Variants in HCN1 observed in about 807,000 individuals in gnomAD.
HCN1 encodes potassium/sodium hyperpolarization-activated cyclic nucleotide-gated channel 1.
A neutral mutation model predicts 78.9 loss-of-function variants in HCN1; 13 were observed. The ratio of observed to expected loss-of-function variants is 0.16; its 90% CI spans 0.11 to 0.26. The LOEUF is 0.26. Among genes scored for constraint, HCN1 ranks in the 10% least tolerant of loss-of-function variants. The pLI is 1.00. For synonymous variants in HCN1, 552 were observed against 455.5 expected (o/e 1.21, Z -2.70); for missense variants, 810 against 1,154.3 (o/e 0.70, Z 4.32).
At chr5:45,492,904 G>A (rs1741921234) in intron 2 of HCN1, among the ~76,000 whole-genome samples, 1 of 152,054 alleles carries the variant, frequency 6.6e-6, no homozygotes. Context: ...CTAGAGTATG[G>A]AAAGCTTAGA....
chr5:45,496,585 A>T lies in HCN1; in HGVS notation c.850-34578T>A, dbSNP rs796610752. Among the ~76,000 whole-genome samples the T allele has an allele frequency of 5.3e-5, 8 of 151,922 alleles. No homozygotes were observed. In the South Asian group the frequency reaches 1.3e-3, roughly 24 times the overall value. ...CCATTTTTTATTGCGTCTATTTGAT[A>T]CTTCTCTCTTTTTTTCTTTATTAGT... On this transcript the variant is annotated intron_variant, in intron 2 of 7. Transcript: ENST00000303230.
chr5:45,503,970 G>C (rs1742241438), intron 2 of HCN1, among the ~76,000 whole-genome samples: 1 of 152,008 alleles, frequency 6.6e-6, no homozygotes, highest in Admixed American at 6.6e-5. Context: ...ATTTTTAGTA[G>C]AGACAGGGTT....
rs1407054365 is a variant in HCN1 at position 45,303,758 on chromosome 5, T to C, written c.1459A>G (p.Met487Val). 2.5e-6 allele frequency: 4 copies of C among 1,613,710 alleles called. No homozygotes were observed. The highest frequency in any genetic ancestry group is 3.4e-6 in the Non-Finnish European group (4 of 1,179,798). The part of the protein sequence containing the change: ...ANADPNFVTA[M>V]LSKLRFEVFQ... The stretch of plus-strand genomic sequence containing the variant: ...ACCTCAAATCTCAACTTGCTCAGCA[T>C]GGCAGTCACAAAATTAGGATCCGCA... The change falls in exon 6 of 8, where the codon ATG (methionine) becomes GTG (valine). Residue 487 changes from methionine to valine, a missense_variant. Physicochemically the swap from Met to Val is conservative, Grantham distance 21. Transcript: ENST00000303230.
chr5:45,519,032 T>C (rs919773242), intron 2 of HCN1, among the ~76,000 whole-genome samples: 18 of 151,966 alleles, frequency 1.2e-4, no homozygotes, highest in African/African-American at 4.3e-4. Flanking sequence ...CTAAGACCAT[T>C]TTGGTAGCTG....
chr5:45,569,670 C>A (rs1743784577), intron 2 of HCN1, among the ~76,000 whole-genome samples: 1 of 152,120 alleles, frequency 6.6e-6, no homozygotes, highest in East Asian at 1.9e-4. Flanking sequence ...CAGTCTTTAT[C>A]TGTTTTTACA....
intron 3 of HCN1, among the ~76,000 whole-genome samples, chr5:45,458,953 A>C (rs1741086726): frequency 6.6e-6 from 1 of 152,090 alleles, no homozygotes; most frequent in South Asian, 2.1e-4. Context: ...GCATAAATAT[A>C]CTTTGCTTTT....
At chr5:45,507,716 A>T (rs1257173153) in intron 2 of HCN1, among the ~76,000 whole-genome samples, 1 of 152,144 alleles carries the variant, frequency 6.6e-6, no homozygotes, top group African/African-American at 2.4e-5. Flanking sequence ...ATAAAGGATA[A>T]TTTTTAGGTC....
chr5:45,533,528 T>A (rs997506676), intron 2 of HCN1, among the ~76,000 whole-genome samples: 16 of 152,232 alleles, frequency 1.1e-4, no homozygotes, highest in African/African-American at 3.9e-4. Context: ...CTGTCTCATA[T>A]GTACTGACTA....
At chr5:45,656,395 T>A (rs1745765023) in intron 1 of HCN1, among the ~76,000 whole-genome samples, 1 of 152,128 alleles carries the variant, frequency 6.6e-6, no homozygotes, top group Non-Finnish European at 1.5e-5. Flanking sequence ...TTAGGCTTTA[T>A]AAAGGGCAGT....
At chr5:45,452,161 G>A (rs911643537) in intron 3 of HCN1, among the ~76,000 whole-genome samples, 7 of 151,880 alleles carry the variant, frequency 4.6e-5, no homozygotes, top group Non-Finnish European at 1.0e-4. Flanking sequence ...TTATGCATGA[G>A]AATAAATGAT....
At chr5:45,293,615 T>G in intron 6 of HCN1, among the ~76,000 whole-genome samples, 2 of 152,186 alleles carry the variant, frequency 1.3e-5, no homozygotes, top group Middle Eastern at 6.8e-3. Context: ...CTTCCCCTCC[T>G]TCTCTTTTTC....
At chr5:45,448,605 C>T (rs781032451) in intron 3 of HCN1, among the ~76,000 whole-genome samples, 3 of 152,118 alleles carry the variant, frequency 2.0e-5, no homozygotes, top group African/African-American at 4.8e-5. Flanking sequence ...TCTTTAGCCA[C>T]GTTTATGCAT....
chr5:45,465,871 T>G (rs1490456147), intron 2 of HCN1, among the ~76,000 whole-genome samples: 1 of 152,222 alleles, frequency 6.6e-6, no homozygotes, highest in Non-Finnish European at 1.5e-5. Context: ...CATTGTGCTG[T>G]TCATGTGACC....
chr5:45,526,016 C>T (rs973459114), intron 2 of HCN1, among the ~76,000 whole-genome samples: 13 of 151,990 alleles, frequency 8.6e-5, no homozygotes, highest in Middle Eastern at 6.8e-3. Flanking sequence ...AGTTGGCAGT[C>T]GGCAAACCAA....
intron 2 of HCN1, among the ~76,000 whole-genome samples, chr5:45,482,939 C>A (rs1741685770): frequency 6.6e-6 from 1 of 152,124 alleles, no homozygotes; most frequent in African/African-American, 2.4e-5. Context: ...CATATGATTT[C>A]ATTTCTTTTA....
intron 4 of HCN1, among the ~76,000 whole-genome samples, chr5:45,380,575 G>T (rs1403204512): frequency 1.3e-5 from 2 of 152,028 alleles, no homozygotes; most frequent in Non-Finnish European, 2.9e-5. Context: ...TTTTTCATCA[G>T]AAGAAAATGG....
At chr5:45,563,784 C>T (rs1743653557) in intron 2 of HCN1, among the ~76,000 whole-genome samples, 1 of 152,136 alleles carries the variant, frequency 6.6e-6, no homozygotes, top group African/African-American at 2.4e-5. Flanking sequence ...AGGTGCCTTA[C>T]AAACATTTTG....
At chr5:45,618,494 T>A (rs147284882) in intron 2 of HCN1, among the ~76,000 whole-genome samples, 11 of 152,060 alleles carry the variant, frequency 7.2e-5, no homozygotes, top group African/African-American at 2.7e-4. Flanking sequence ...AACAGAGAAG[T>A]AGCATAGCAA....
At chr5:45,486,649 C>G (rs1036340941) in intron 2 of HCN1, among the ~76,000 whole-genome samples, 1 of 151,888 alleles carries the variant, frequency 6.6e-6, no homozygotes, top group African/African-American at 2.4e-5. Context: ...AATAGCAAAG[C>G]TACTTTAAAA....
Sources: gnomAD v4.1 joint callset for allele counts (sites outside exome capture counted in the v4.1 genomes callset) on GRCh38, gnomAD v4.1.1 for gene constraint, MANE v1.5 for transcripts, NCBI Gene and HGNC (gene_info 2026-07-23, HGNC 2026-07-21) for gene names.